BMS1: variants seen among roughly 807,000 people sequenced by gnomAD.
BMS1 encodes BMS1 ribosome biogenesis factor, also known as ribosome biogenesis protein BMS1 homolog.
Under a neutral mutation model 138.7 loss-of-function variants are expected in BMS1, and 53 were observed. That is an observed-to-expected ratio of 0.38 (90% CI 0.31 to 0.48). BMS1 has a LOEUF of 0.48. Among genes scored for constraint, BMS1 ranks in the 20% least tolerant of loss-of-function variants. BMS1 has a pLI of 0.97. For missense variants in BMS1, 1,360 were observed against 1,565.5 expected, an observed-to-expected ratio of 0.87 and a Z score of 2.22; for synonymous variants, 504 against 539.9, an observed-to-expected ratio of 0.93 and a Z score of 0.92.
chr10:42,827,183 G>T (rs1447406366), intron 21 of BMS1, among the ~76,000 whole-genome samples: 2 of 152,104 alleles, frequency 1.3e-5, no homozygotes, highest in Admixed American at 1.3e-4. Context: ...TGAGCCCCTT[G>T]CATACACCTG....
chr10:42,793,551 T>TA (rs749215738), intron 8 of BMS1, among the ~76,000 whole-genome samples: 58 of 152,368 alleles, frequency 3.8e-4, no homozygotes, highest in Non-Finnish European at 2.1e-4. Context: ...TTTATTGGGT[T>TA]AAAATCGGCT....
chr10:42,833,366 CA>C lies in BMS1; in HGVS notation c.*2271del, dbSNP rs1376641461. On this transcript the variant is annotated 3_prime_UTR_variant, in exon 23 of 23. Coordinates refer to ENST00000374518, the MANE Select transcript of BMS1 (RefSeq NM_014753.4). The stretch of plus-strand genomic sequence containing the variant: ...CCTGGCCAGGTTAGTAAAATACAGT[CA>C]CACATCAGTTAAGGATGGGGATATA... 1 of 152,162 alleles carries C rather than the reference CA, an allele frequency of 6.6e-6. No homozygotes were observed. The highest frequency in any genetic ancestry group is 1.5e-5 in the Non-Finnish European group (1 of 68,024). 9.4% of individuals were successfully genotyped at this position (152,162 alleles called of 1,614,324 possible). A position where few individuals can be genotyped will look rare whatever the true frequency, so the allele number is the denominator to read the frequency against.
intron 4 of BMS1, among the ~76,000 whole-genome samples, chr10:42,789,867 T>C (rs1841448163): frequency 6.6e-6 from 1 of 152,218 alleles, no homozygotes. Context: ...CTTGATTTCT[T>C]TAAATTAGGA....
intron 21 of BMS1, among the ~76,000 whole-genome samples, chr10:42,828,889 C>A (rs968889362): frequency 1.3e-5 from 2 of 151,910 alleles, no homozygotes; most frequent in African/African-American, 4.8e-5. Context: ...TTAAAATACA[C>A]TTCAGGATGT....
intron 13 of BMS1, among the ~76,000 whole-genome samples, chr10:42,808,559 A>G (rs1382344697): frequency 1.3e-5 from 2 of 152,076 alleles, no homozygotes; most frequent in Non-Finnish European, 1.5e-5. Context: ...TTGGCCTCCC[A>G]AAGTGCTGGG....
chr10:42,830,475 T>A lies in BMS1; in HGVS notation c.3618+53T>A, dbSNP rs1032857215. On this transcript the variant is annotated intron_variant, in intron 22 of 22. Transcript: ENST00000374518. ...CTGCGTTTAGATAGGAAAAGAACAC[T>A]CTCAATAGCACACTTCCTGTTTCTA... is the stretch of plus-strand genomic sequence containing the variant. 2.0e-5 allele frequency: 31 copies of A among 1,556,588 alleles called. No individual in the cohort carries two copies. The African/African-American group carries it at 4.3e-4, about 22-fold the overall frequency.
chr10:42,793,205 T>G (rs1177830563), intron 8 of BMS1, 61 bp downstream of exon 8: 2 of 1,486,774 alleles, frequency 1.3e-6, no homozygotes, highest in Admixed American at 2.3e-5. Flanking sequence ...ATCTATTTTT[T>G]AATCACAAAA....
chr10:42,802,131 C>A lies in BMS1; in HGVS notation c.2248-6C>A. 1 of 1,591,638 alleles carries A rather than the reference C, an allele frequency of 6.3e-7. No individual in the cohort carries two copies. Among genetic ancestry groups the A allele is most frequent in the Non-Finnish European group, 8.6e-7 (1 of 1,167,738 alleles). On this transcript the variant is annotated splice_polypyrimidine_tract_variant and splice_region_variant and intron_variant, in intron 12 of 22. Transcript: ENST00000374518. ...CCTCACCTAAGTGCTGACTTTTCTG[C>A]GTAAGGTTATGAACAGTATCAGAGA...
chr10:42,805,536 T>C (rs1564420127), intron 13 of BMS1, among the ~76,000 whole-genome samples: 2 of 152,188 alleles, frequency 1.3e-5, no homozygotes, highest in Non-Finnish European at 2.9e-5. Context: ...CCCACTGCAA[T>C]TTTGATTGGG....
In BMS1 at chr10:42,823,190, G is replaced by A. The variant is rs368973119; in HGVS notation, c.3205G>A (p.Gly1069Arg). Residue 1069 changes from glycine to arginine, a missense_variant, in exon 20 of 23, where the codon GGG becomes AGG. This residue lies in a region of BMS1 where 425 missense variants were observed against 568.3 expected (regional missense o/e 0.75). Coordinates refer to ENST00000374518, the MANE Select transcript of BMS1 (RefSeq NM_014753.4). The part of the protein sequence containing the change: ...AVIRTVSGIR[G>R]QIKKALRAPE... The stretch of plus-strand genomic sequence containing the variant: ...GATTCGAACAGTCAGTGGGATAAGG[G>A]GGCAGATCAAGAAAGCACTCCGAGC... 1 of 1,608,326 alleles carries A rather than the reference G, an allele frequency of 6.2e-7. No individual in the cohort carries two copies. Among genetic ancestry groups the A allele is most frequent in the Non-Finnish European group, 8.5e-7 (1 of 1,178,732 alleles).
intron 7 of BMS1, 31 bp from the exon 8 acceptor site, chr10:42,792,926 C>A: frequency 6.3e-7 from 1 of 1,592,422 alleles, no homozygotes; most frequent in Non-Finnish European, 8.5e-7. Flanking sequence ...TTCTTGTCAG[C>A]TGAAGCTGGC....
chr10:42,811,746 G>A (rs1009285071), intron 13 of BMS1, among the ~76,000 whole-genome samples: 2 of 150,868 alleles, frequency 1.3e-5, no homozygotes, highest in Admixed American at 1.3e-4. Flanking sequence ...GGATGGTCTC[G>A]ATCTCCTGAC....
chr10:42,812,902 G>A (rs1397669900), intron 13 of BMS1, among the ~76,000 whole-genome samples: 1 of 152,202 alleles, frequency 6.6e-6, no homozygotes, highest in African/African-American at 2.4e-5. Context: ...AGCCAGGTGG[G>A]GAGCCTTTGC....
At chr10:42,786,889 T>C (rs1841349300) in intron 3 of BMS1, among the ~76,000 whole-genome samples, 1 of 152,216 alleles carries the variant, frequency 6.6e-6, no homozygotes, top group Non-Finnish European at 1.5e-5. Flanking sequence ...AGGATCATGG[T>C]TATCATGGAG....
intron 13 of BMS1, among the ~76,000 whole-genome samples, chr10:42,815,135 G>C (rs1842307631): frequency 6.6e-6 from 1 of 152,272 alleles, no homozygotes; most frequent in East Asian, 1.9e-4. Flanking sequence ...GGTGGTTTCA[G>C]GTTGTAACTG....
chr10:42,783,061 T>G (rs950398152), intron 1 of BMS1, among the ~76,000 whole-genome samples: 2 of 151,984 alleles, frequency 1.3e-5, no homozygotes, highest in African/African-American at 2.4e-5. Context: ...CTGGGCGACG[T>G]CGTTTCCTGG....
At position 42,820,898 on chromosome 10, in the gene BMS1, G is replaced by A. The variant is rs745706338; in HGVS notation, c.2951-36G>A. On this transcript the variant is annotated intron_variant, in intron 17 of 22. Coordinates refer to ENST00000374518, the MANE Select transcript of BMS1 (RefSeq NM_014753.4). The stretch of plus-strand genomic sequence containing the variant: ...TGTTAAACTAGAATCTAAAATTTGT[G>A]GTTCGCTATATTTCTTTTTTTCCTT... 2.1e-5 allele frequency: 33 copies of A among 1,567,030 alleles called. 1 individual carries two copies. In the African/African-American group the frequency reaches 4.1e-4, roughly 19 times the overall value.
Position 42,823,788 on chromosome 10 carries a change from C to G in BMS1, c.3456+4C>G, listed in dbSNP as rs1165219622. 1 of 1,570,752 alleles carries G rather than the reference C, an allele frequency of 6.4e-7. No homozygotes were observed. The highest frequency in any genetic ancestry group is 1.8e-5 in the Admixed American group (1 of 56,114). ...GAACAAGGACTCTCTGTATAAGGTACTGGTCGCGTGTGTGTTAGTGGAGAT... is the reference window on the plus strand; with the variant it reads ...GAACAAGGACTCTCTGTATAAGGTAGTGGTCGCGTGTGTGTTAGTGGAGAT... On this transcript the variant is annotated splice_donor_region_variant and intron_variant, in intron 21 of 22. Transcript: ENST00000374518.
rs1242967865 is a variant in BMS1 at position 42,802,082 on chromosome 10, T to C, written c.2248-55T>C. Reference sequence around the variant, plus strand: ...TGTCACCTACTGCCATTTCTTAGAGTTGTTTTGCTGAGTGATTGGAACACC... The same window carrying C: ...TGTCACCTACTGCCATTTCTTAGAGCTGTTTTGCTGAGTGATTGGAACACC... On this transcript the variant is annotated intron_variant, in intron 12 of 22. Transcript: ENST00000374518. 7.1e-6 allele frequency: 10 copies of C among 1,407,952 alleles called. No individual in the cohort carries two copies. In the East Asian group the frequency reaches 2.4e-4, roughly 34 times the overall value. 87.2% of individuals were successfully genotyped at this position (1,407,952 alleles called of 1,614,324 possible).
Sources: gnomAD v4.1 joint callset for allele counts (sites outside exome capture counted in the v4.1 genomes callset) on GRCh38, gnomAD v4.1.1 for gene constraint, gnomAD v4.1.1 regional missense constraint, MANE v1.5 for transcripts, NCBI Gene and HGNC (gene_info 2026-07-23, HGNC 2026-07-21) for gene names.